RPS6KC1: variants seen among roughly 807,000 people sequenced by gnomAD.
The protein encoded by RPS6KC1 is ribosomal protein S6 kinase C1.
A neutral mutation model predicts 103.8 loss-of-function variants in RPS6KC1; 54 were observed. The ratio of observed to expected loss-of-function variants is 0.52; its 90% confidence interval spans 0.42 to 0.65. The LOEUF (loss-of-function observed/expected upper bound fraction) is 0.65, where lower values mean the gene tolerates loss of function less well. Among genes scored for constraint, RPS6KC1 ranks in the 30% least tolerant of loss-of-function variants. The probability of loss-of-function intolerance (pLI) is 0.00; values close to 1 mark genes in which losing one functional copy is unlikely to be tolerated. For synonymous variants in RPS6KC1, 439 were observed against 438.7 expected (o/e 1.00, Z -0.01); for missense variants, 1,151 against 1,253.8 (o/e 0.92, Z 1.24).
intron 4 of RPS6KC1, among the ~76,000 whole-genome samples, chr1:213,116,302 A>C (rs963888070): frequency 6.7e-6 from 1 of 150,172 alleles, no homozygotes; most frequent in Admixed American, 6.7e-5. Flanking sequence ...CTTTACCATT[A>C]TGTAATGGCC....
At chr1:213,851,383 T>C in the RPS6KC1 span, among the ~76,000 whole-genome samples, 1 of 152,160 alleles carries the variant, frequency 6.6e-6, no homozygotes, top group African/African-American at 2.4e-5. Flanking sequence ...TAAATCTCTG[T>C]ATCTTCTCCC....
the RPS6KC1 span, among the ~76,000 whole-genome samples, chr1:213,857,187 C>T: frequency 1.3e-5 from 2 of 152,186 alleles, no homozygotes; most frequent in Non-Finnish European, 2.9e-5. Context: ...CTGCTGGACA[C>T]CCATGGGCCT....
intron 6 of RPS6KC1, among the ~76,000 whole-genome samples, chr1:213,149,664 T>A (rs2088390174): frequency 6.6e-6 from 1 of 152,224 alleles, no homozygotes; most frequent in Non-Finnish European, 1.5e-5. Flanking sequence ...TAGATCCATT[T>A]GGTCTGTAGT....
At chr1:213,163,153 A>T (rs1266203742) in intron 6 of RPS6KC1, among the ~76,000 whole-genome samples, 1 of 152,254 alleles carries the variant, frequency 6.6e-6, no homozygotes, top group Non-Finnish European at 1.5e-5. Flanking sequence ...TACCAAGGCC[A>T]TCTCAAGTGT....
At chr1:213,829,268 CAAA>C in the RPS6KC1 span, among the ~76,000 whole-genome samples, 1 of 114,376 alleles carries the variant, frequency 8.7e-6, no homozygotes, top group African/African-American at 3.2e-5. Context: ...TCGTTTGTTT[CAAA>C]AAAAAAAAAA....
intron 12 of RPS6KC1, among the ~76,000 whole-genome samples, chr1:213,253,181 T>C (rs542840644): frequency 6.6e-6 from 1 of 152,272 alleles, no homozygotes; most frequent in Admixed American, 6.5e-5. Flanking sequence ...CAGAATATAT[T>C]GCCAGAAGGA....
intron 5 of RPS6KC1, chr1:213,125,641 T>TGC (rs1428847301): frequency 6.6e-6 from 1 of 151,738 alleles, no homozygotes; most frequent in African/African-American, 2.4e-5. Context: ...TGTGTGTGTG[T>TGC]GTGTGTGTGT....
At chr1:213,695,904 T>C in the RPS6KC1 span, among the ~76,000 whole-genome samples, 5 of 152,222 alleles carry the variant, frequency 3.3e-5, no homozygotes, top group Admixed American at 6.5e-5. Flanking sequence ...AAAGAATATG[T>C]ATTAAGTAAA....
At chr1:213,735,916 T>G in the RPS6KC1 span, among the ~76,000 whole-genome samples, 1 of 152,202 alleles carries the variant, frequency 6.6e-6, no homozygotes, top group Non-Finnish European at 1.5e-5. Context: ...CACTCACAGA[T>G]TCTGTGTAAT....
chr1:213,636,390 C>G, the RPS6KC1 span, among the ~76,000 whole-genome samples: 1 of 152,162 alleles, frequency 6.6e-6, no homozygotes, highest in African/African-American at 2.4e-5. Flanking sequence ...GTAACCAAAA[C>G]AGCATGGTAC....
the RPS6KC1 span, among the ~76,000 whole-genome samples, chr1:213,487,047 AT>A: frequency 1.3e-5 from 2 of 152,152 alleles, no homozygotes; most frequent in Non-Finnish European, 2.9e-5. Context: ...TTTTGGGCCC[AT>A]CTACTTTGAT....
At chr1:213,166,477 C>G (rs1324227969) in intron 6 of RPS6KC1, among the ~76,000 whole-genome samples, 2 of 151,768 alleles carry the variant, frequency 1.3e-5, no homozygotes, top group African/African-American at 4.8e-5. Flanking sequence ...GTAGAAAAGC[C>G]CTCTAAAACC....
chr1:213,643,325 T>G, the RPS6KC1 span, among the ~76,000 whole-genome samples: 1 of 151,984 alleles, frequency 6.6e-6, no homozygotes, highest in Admixed American at 6.6e-5. Context: ...GAAAGAAAGC[T>G]TTATAGTCCT....
the RPS6KC1 span, among the ~76,000 whole-genome samples, chr1:213,394,195 G>T: frequency 6.6e-6 from 1 of 152,156 alleles, no homozygotes; most frequent in South Asian, 2.1e-4. Flanking sequence ...GTGGATTCCT[G>T]GAGCCTGCCT....
At chr1:213,237,229 G>A (rs1573512886) in intron 10 of RPS6KC1, among the ~76,000 whole-genome samples, 1 of 152,178 alleles carries the variant, frequency 6.6e-6, no homozygotes, top group East Asian at 1.9e-4. Context: ...AATAAGGACT[G>A]TGGAGCCATG....
At chr1:213,162,431 C>T (rs146434278) in intron 6 of RPS6KC1, among the ~76,000 whole-genome samples, 5 of 152,110 alleles carry the variant, frequency 3.3e-5, no homozygotes, top group African/African-American at 9.6e-5. Context: ...CAGGTGTGTA[C>T]CACCAGGCCT....
At chr1:213,453,008 G>A in the RPS6KC1 span, among the ~76,000 whole-genome samples, 1 of 151,998 alleles carries the variant, frequency 6.6e-6, no homozygotes, top group Non-Finnish European at 1.5e-5. Flanking sequence ...GGTGTGGAAG[G>A]GAAATCAATT....
chr1:213,737,316 T>C, the RPS6KC1 span, among the ~76,000 whole-genome samples: 1 of 152,192 alleles, frequency 6.6e-6, no homozygotes, highest in African/African-American at 2.4e-5. Context: ...TTGTTGTTTG[T>C]TTGTTTCCAG....
the RPS6KC1 span, among the ~76,000 whole-genome samples, chr1:213,443,433 G>A: frequency 3.3e-5 from 5 of 152,182 alleles, no homozygotes; most frequent in African/African-American, 1.2e-4. Flanking sequence ...CATCACAGTG[G>A]TGCTATCTAT....
Sources: allele counts gnomAD v4.1 joint callset (sites outside exome capture counted in the v4.1 genomes callset), GRCh38; gene constraint gnomAD v4.1.1; transcripts MANE v1.5; gene names NCBI Gene and HGNC (gene_info 2026-07-23, HGNC 2026-07-21).